The following DOCK4 variants were observed in gnomAD, a reference collection of about 807,000 sequenced individuals.
The protein encoded by DOCK4 is dedicator of cytokinesis 4.
In DOCK4, 97 loss-of-function variants were observed where a neutral mutation model predicts 268.1. That is an observed-to-expected ratio of 0.36 (90% CI 0.31 to 0.43). The LOEUF (loss-of-function observed/expected upper bound fraction) is 0.43, where lower values mean the gene tolerates loss of function less well. Among genes scored for constraint, DOCK4 ranks in the 20% least tolerant of loss-of-function variants. The probability of loss-of-function intolerance (pLI) is 1.00; values close to 1 mark genes in which losing one functional copy is unlikely to be tolerated. For synonymous variants in DOCK4, 954 were observed against 887.2 expected (o/e 1.08, Z -1.34); for missense variants, 2,145 against 2,455.7 (o/e 0.87, Z 2.67).
chr7:112,189,218 T>C (rs1354808504), intron 1 of DOCK4, among the ~76,000 whole-genome samples: 1 of 152,194 alleles, frequency 6.6e-6, no homozygotes, highest in African/African-American at 2.4e-5. Context: ...AATTGCATAT[T>C]TGGTAGGAGT....
At chr7:111,910,059 C>G (rs1051929296) in intron 13 of DOCK4, among the ~76,000 whole-genome samples, 2 of 151,718 alleles carry the variant, frequency 1.3e-5, no homozygotes, top group African/African-American at 4.8e-5. Context: ...ATGATGGGTT[C>G]CCTAACAAAG....
chr7:111,774,174 G>T (rs1798303540), intron 36 of DOCK4, among the ~76,000 whole-genome samples: 1 of 151,992 alleles, frequency 6.6e-6, no homozygotes, highest in African/African-American at 2.4e-5. Flanking sequence ...TACTTTAATA[G>T]AAATCTGGGG....
chr7:111,772,025 G>A (rs1798153240), intron 36 of DOCK4, among the ~76,000 whole-genome samples: 1 of 152,188 alleles, frequency 6.6e-6, no homozygotes, highest in Non-Finnish European at 1.5e-5. Context: ...CTGCCCACAG[G>A]CAGTGATGAC....
At chr7:112,113,254 T>C (rs1241853481) in intron 1 of DOCK4, among the ~76,000 whole-genome samples, 3 of 151,976 alleles carry the variant, frequency 2.0e-5, no homozygotes, top group African/African-American at 4.8e-5. Context: ...GGAAGAAAAT[T>C]TGTAGTGTGT....
intron 47 of DOCK4, among the ~76,000 whole-genome samples, chr7:111,740,760 A>AAAAAAAG (rs1795861877): frequency 2.2e-5 from 3 of 137,958 alleles, no homozygotes; most frequent in East Asian, 2.2e-4. Context: ...AAAAAAAAAA[A>AAAAAAAG]GGCAAGCTAA....
chr7:112,154,619 C>T (rs1816437822), intron 1 of DOCK4, among the ~76,000 whole-genome samples: 2 of 152,310 alleles, frequency 1.3e-5, no homozygotes, highest in South Asian at 2.1e-4. Flanking sequence ...CTGTCCTCTG[C>T]TACAGATCTA....
intron 1 of DOCK4, among the ~76,000 whole-genome samples, chr7:112,165,498 T>C (rs1817512505): frequency 6.6e-6 from 1 of 151,340 alleles, no homozygotes; most frequent in Admixed American, 6.6e-5. Context: ...TATGATTTCA[T>C]TGTTGTTCAT....
rs182312805 is a variant in DOCK4, at chr7:111,740,594, G to A, written c.5040+500C>T. Among the ~76,000 whole-genome samples the A allele has an allele frequency of 2.5e-4, 38 of 150,668 alleles. No homozygotes were observed. In the South Asian group the frequency reaches 6.5e-3, roughly 26 times the overall value. ...CTAAAAATACAAAAATTAGTCGGGC[G>A]TGGTGGTACACACCTGTAATCCCAG... On this transcript the variant is annotated intron_variant, in intron 47 of 52. Transcript: ENST00000428084.
chr7:111,919,626 G>C lies in DOCK4; in HGVS notation c.1067-3722C>G, dbSNP rs144360879. 6.2e-4 allele frequency among the ~76,000 whole-genome samples: 95 copies of C among 152,332 alleles called. 1 individual carries two copies. Among genetic ancestry groups the C allele is most frequent in the African/African-American group, 2.2e-3 (92 of 41,582 alleles). On this transcript the variant is annotated intron_variant, in intron 12 of 52. Coordinates refer to ENST00000428084, the MANE Select transcript of DOCK4 (RefSeq NM_001363540.2). ...GCCAAGTGATGATAATGGGGGTTGA[G>C]GGGGAGGGCAGTTACTGCCATTTGG... is the stretch of plus-strand genomic sequence containing the variant.
rs574921359 is a variant in DOCK4, at chr7:111,853,378, G to A, written c.2474-6252C>T. Reference sequence around the variant, plus strand: ...GTACGGGGAGATTGTAAACAAGGGAGGCAGAAGGACATGTGGCAGCACAGC... The same window carrying A: ...GTACGGGGAGATTGTAAACAAGGGAAGCAGAAGGACATGTGGCAGCACAGC... On this transcript the variant is annotated intron_variant, in intron 23 of 52. Transcript: ENST00000428084. Among the ~76,000 whole-genome samples, 8 of 152,282 alleles carry A rather than the reference G, an allele frequency of 5.3e-5. No individual in the cohort carries two copies. In the South Asian group the frequency reaches 1.7e-3, roughly 32 times the overall value.
In DOCK4 at chr7:111,809,177, AC is replaced by A. The variant is rs1800894811; in HGVS notation, c.3107+123del. 16 of 801,146 alleles carry A rather than the reference AC, an allele frequency of 2.0e-5. No individual in the cohort carries two copies. The East Asian group carries it at 4.0e-4, about 20-fold the overall frequency. The allele number at this position is 801,146 out of a possible 1,614,324, so 49.6% of individuals were successfully genotyped here. On this transcript the variant is annotated intron_variant, in intron 29 of 52. Transcript: ENST00000428084. ...AACATCCAGAAAAGACTGCTTCTTG[AC>A]CCCTTGGTCACTGGTTCTTCACTGT...
At chr7:112,120,996 C>T (rs1199527995) in intron 1 of DOCK4, among the ~76,000 whole-genome samples, 1 of 152,154 alleles carries the variant, frequency 6.6e-6, no homozygotes, top group African/African-American at 2.4e-5. Flanking sequence ...ACGAGACTGG[C>T]ATCAAGGGAA....
chr7:111,961,613 T>C (rs1359543007), intron 8 of DOCK4, among the ~76,000 whole-genome samples: 1 of 152,254 alleles, frequency 6.6e-6, no homozygotes, highest in Non-Finnish European at 1.5e-5. Context: ...TCTCACAGAA[T>C]CTTTATTAAT....
intron 32 of DOCK4, among the ~76,000 whole-genome samples, chr7:111,785,725 C>A (rs1799118789): frequency 6.6e-6 from 1 of 152,118 alleles, no homozygotes. Context: ...TTCTAGGTAA[C>A]CCGGGTGAGA....
Position 111,765,233 on chromosome 7 carries a change from C to G in DOCK4, c.3916-11G>C. 6.9e-7 allele frequency: 1 copy of G among 1,448,008 alleles called. No individual in the cohort carries two copies. The highest frequency in any genetic ancestry group is 1.7e-4 in the Middle Eastern group (1 of 5,802). 89.7% of individuals were successfully genotyped at this position (1,448,008 alleles called of 1,614,324 possible). On this transcript the variant is annotated splice_polypyrimidine_tract_variant and intron_variant, in intron 38 of 52. Coordinates refer to ENST00000428084, the MANE Select transcript of DOCK4 (RefSeq NM_001363540.2). ...AGAGGCTTCCATCATCTAGAAAGCA[C>G]AGGAAACATTCTAAGCATTTTATCT...
chr7:112,015,256 T>G (rs1801718077), intron 1 of DOCK4, among the ~76,000 whole-genome samples: 2 of 152,168 alleles, frequency 1.3e-5, no homozygotes, highest in South Asian at 2.1e-4. Context: ...CCAGGACAAT[T>G]TACACATGTT....
intron 30 of DOCK4, among the ~76,000 whole-genome samples, chr7:111,803,762 T>C (rs759181245): frequency 3.9e-5 from 6 of 152,172 alleles, no homozygotes; most frequent in Non-Finnish European, 7.3e-5. Context: ...CGGCTCTTGA[T>C]AGAACATTTT....
At chr7:111,837,145 G>C (rs1803300268) in intron 25 of DOCK4, among the ~76,000 whole-genome samples, 1 of 151,602 alleles carries the variant, frequency 6.6e-6, no homozygotes. Flanking sequence ...AAAAAAAAGG[G>C]GCACATTACA....
At chr7:111,859,397 T>A (rs140233950) in intron 23 of DOCK4, among the ~76,000 whole-genome samples, 2 of 152,118 alleles carry the variant, frequency 1.3e-5, no homozygotes, top group African/African-American at 4.8e-5. Flanking sequence ...GGTGATGCTA[T>A]TGTTTTATGT....
Sources: allele counts gnomAD v4.1 joint callset (sites outside exome capture counted in the v4.1 genomes callset), GRCh38; gene constraint gnomAD v4.1.1; transcripts MANE v1.5; gene names NCBI Gene and HGNC (gene_info 2026-07-23, HGNC 2026-07-21).